KCNH7: variants seen among roughly 807,000 people sequenced by gnomAD.
The protein encoded by KCNH7 is potassium voltage-gated channel subfamily H member 7.
KCNH7 carries 49 observed loss-of-function variants against 120.8 expected under a neutral mutation model. The observed-to-expected ratio is 0.41, with a 90% CI of 0.32 to 0.51. KCNH7 has a LOEUF of 0.51. KCNH7 is among the 20% of genes least tolerant of loss of function. The pLI is 0.38. For synonymous variants in KCNH7, 547 were observed against 516.1 expected, an observed-to-expected ratio of 1.06 and a Z score of -0.81; for missense variants, 1,097 against 1,446.6, an observed-to-expected ratio of 0.76 and a Z score of 3.92.
At chr2:162,545,962 G>A (rs969835175) in intron 2 of KCNH7, among the ~76,000 whole-genome samples, 1 of 151,964 alleles carries the variant, frequency 6.6e-6, no homozygotes, top group Non-Finnish European at 1.5e-5. Context: ...CAGGTGTTAG[G>A]GTCTTTTCAT....
intron 2 of KCNH7, among the ~76,000 whole-genome samples, chr2:162,809,293 T>G (rs1007010484): frequency 5.9e-5 from 9 of 152,204 alleles, no homozygotes; most frequent in Non-Finnish European, 8.8e-5. Context: ...TGTATATCAG[T>G]TTAAGTCATA....
chr2:162,422,958 T>A (rs910660026), intron 9 of KCNH7, among the ~76,000 whole-genome samples: 5 of 152,206 alleles, frequency 3.3e-5, no homozygotes, highest in African/African-American at 1.2e-4. Flanking sequence ...GGCATCATAA[T>A]TATTACTGTT....
At chr2:162,802,686 A>G (rs1684392450) in intron 2 of KCNH7, among the ~76,000 whole-genome samples, 1 of 151,818 alleles carries the variant, frequency 6.6e-6, no homozygotes, top group Non-Finnish European at 1.5e-5. Context: ...CAAGAATAAC[A>G]TTGCAACATG....
chr2:162,444,685 A>G (rs1357814573), intron 7 of KCNH7, among the ~76,000 whole-genome samples: 1 of 152,180 alleles, frequency 6.6e-6, no homozygotes, highest in Non-Finnish European at 1.5e-5. Flanking sequence ...TAACTTTTGA[A>G]AGAATGAGGT....
At chr2:162,771,833 T>A (rs2105473454) in intron 2 of KCNH7, 1 of 152,286 alleles carries the variant, frequency 6.6e-6, no homozygotes, top group South Asian at 2.1e-4. Flanking sequence ...ACTATGTAGT[T>A]CACAAATAAA....
At chr2:162,381,257 T>C (rs1686409473) in intron 13 of KCNH7, among the ~76,000 whole-genome samples, 1 of 152,128 alleles carries the variant, frequency 6.6e-6, no homozygotes, top group African/African-American at 2.4e-5. Flanking sequence ...GATTAAACAC[T>C]GAGAAGAGTT....
chr2:162,524,720 G>C (rs1346294034), intron 3 of KCNH7, among the ~76,000 whole-genome samples: 1 of 151,930 alleles, frequency 6.6e-6, no homozygotes, highest in Non-Finnish European at 1.5e-5. Flanking sequence ...CTGAATCAGA[G>C]AGAGAAGAAA....
At chr2:162,388,551 T>G (rs533965038) in intron 12 of KCNH7, among the ~76,000 whole-genome samples, 2 of 151,972 alleles carry the variant, frequency 1.3e-5, no homozygotes, top group African/African-American at 4.8e-5. Flanking sequence ...CTTTTATAGA[T>G]CACTAAAATG....
At chr2:162,411,973 T>G (rs555679159) in intron 9 of KCNH7, among the ~76,000 whole-genome samples, 1 of 151,844 alleles carries the variant, frequency 6.6e-6, no homozygotes, top group East Asian at 1.9e-4. Flanking sequence ...ACAAACCAAA[T>G]TAAATCAAAC....
intron 2 of KCNH7, among the ~76,000 whole-genome samples, chr2:162,621,418 CT>C (rs1435019782): frequency 6.6e-6 from 1 of 152,014 alleles, no homozygotes; most frequent in East Asian, 1.9e-4. Context: ...AACATTGTCA[CT>C]CCCTGTGTTC....
intron 6 of KCNH7, chr2:162,496,865 G>A (rs1574029849): frequency 6.6e-6 from 1 of 152,036 alleles, no homozygotes; most frequent in East Asian, 1.9e-4. Context: ...TCATGTCATT[G>A]AAGAAATTCA....
At chr2:162,657,797 C>G (rs540198115) in intron 2 of KCNH7, among the ~76,000 whole-genome samples, 25 of 151,788 alleles carry the variant, frequency 1.6e-4, no homozygotes, top group African/African-American at 5.6e-4. Flanking sequence ...TTTAGGTTTA[C>G]GATCTCCACA....
chr2:162,812,522 A>T lies in KCNH7; in HGVS notation c.307+24015T>A, dbSNP rs546835996. ...AGGCAAGGAATAAATTAGAAAGGAC[A>T]TGAAGCCCCTGATCCTATATGCCAA... On this transcript the variant is annotated intron_variant, in intron 2 of 15. Coordinates refer to ENST00000332142, the MANE Select transcript of KCNH7 (RefSeq NM_033272.4). 6.6e-5 allele frequency among the ~76,000 whole-genome samples: 10 copies of T among 152,174 alleles called. 1 individual carries two copies. The South Asian group carries it at 2.1e-3, about 32-fold the overall frequency.
At chr2:162,767,295 T>C (rs745887647) in intron 2 of KCNH7, among the ~76,000 whole-genome samples, 3 of 152,162 alleles carry the variant, frequency 2.0e-5, no homozygotes, top group Non-Finnish European at 4.4e-5. Context: ...AAATAAGCAG[T>C]ATATACATTT....
Position 162,777,552 on chromosome 2 carries a change from G to A in KCNH7, c.307+58985C>T, listed in dbSNP as rs144757981. 6.6e-3 allele frequency among the ~76,000 whole-genome samples: 1,000 copies of A among 152,200 alleles called. 5 individuals carry two copies. The highest frequency in any genetic ancestry group is 0.037 in the Middle Eastern group (11 of 294). ...GAGTAAATATTGAAGTTGAGGAGAC[G>A]AATATATGTTGAGCATCTCCTATAT... On this transcript the variant is annotated intron_variant, in intron 2 of 15. Transcript: ENST00000332142.
rs373952331 is a variant in KCNH7, at chr2:162,599,875, G to A, written c.308-62795C>T. ...GTGAAGCCATGTCAACCAAAGTACAGATTACAATTCACTAGGTAACAACCA... is the reference window on the plus strand; with the variant it reads ...GTGAAGCCATGTCAACCAAAGTACAAATTACAATTCACTAGGTAACAACCA... On this transcript the variant is annotated intron_variant, in intron 2 of 15. Transcript: ENST00000332142. 8.6e-5 allele frequency among the ~76,000 whole-genome samples: 12 copies of A among 138,880 alleles called. No individual in the cohort carries two copies. The South Asian group carries it at 2.4e-3, about 27-fold the overall frequency. 91.1% of individuals were successfully genotyped at this position (138,880 alleles called of 152,430 possible).
chr2:162,614,448 A>T (rs1207098049), intron 2 of KCNH7, among the ~76,000 whole-genome samples: 1 of 152,070 alleles, frequency 6.6e-6, no homozygotes, highest in Non-Finnish European at 1.5e-5. Context: ...GTTACTGTAA[A>T]CAAAATGAAA....
intron 2 of KCNH7, among the ~76,000 whole-genome samples, chr2:162,678,199 A>C (rs1193668869): frequency 6.6e-6 from 1 of 151,366 alleles, no homozygotes; most frequent in Non-Finnish European, 1.5e-5. Context: ...AATTTTCCTA[A>C]TGTGGCACTT....
chr2:162,402,448 G>T (rs1034415687), intron 9 of KCNH7, among the ~76,000 whole-genome samples: 1 of 148,844 alleles, frequency 6.7e-6, no homozygotes, highest in Non-Finnish European at 1.5e-5. Context: ...CAGTTTGGAG[G>T]TTGTATAGAA....
Sources: gnomAD v4.1 joint callset for allele counts (sites outside exome capture counted in the v4.1 genomes callset) on GRCh38, gnomAD v4.1.1 for gene constraint, MANE v1.5 for transcripts, NCBI Gene and HGNC (gene_info 2026-07-23, HGNC 2026-07-21) for gene names.